AKAP9: variants seen among roughly 807,000 people sequenced by gnomAD.
The protein encoded by AKAP9 is A-kinase anchoring protein 9.
In AKAP9, 311 loss-of-function variants were observed where a neutral mutation model predicts 488.5. That is an observed-to-expected ratio of 0.64 (90% confidence interval 0.58 to 0.70). The LOEUF is 0.70. Among genes scored for constraint, AKAP9 ranks in the 30% least tolerant of loss-of-function variants. AKAP9 has a pLI of 0.00. For missense variants in AKAP9, 4,215 were observed against 4,374.5 expected, an observed-to-expected ratio of 0.96 and a Z score of 1.03; for synonymous variants, 1,462 against 1,483.5, an observed-to-expected ratio of 0.99 and a Z score of 0.33.
intron 3 of AKAP9, 75 bp from the exon 4 acceptor site, chr7:91,992,083 A>G (rs993058903): frequency 1.7e-6 from 2 of 1,204,318 alleles, no homozygotes; most frequent in African/African-American, 1.5e-5. Flanking sequence ...ACGTGAATAC[A>G]GTTAACAGAA....
intron 6 of AKAP9, 77 bp downstream of exon 6, chr7:91,994,853 T>C (rs192778218): frequency 5.0e-6 from 7 of 1,406,576 alleles, no homozygotes; most frequent in Non-Finnish European, 6.9e-6. Context: ...AGAACAAATC[T>C]AAATTTGTTA....
Position 92,100,963 on chromosome 7 carries a change from G to A in AKAP9, c.11004G>A (p.Arg3668=), listed in dbSNP as rs1425422837. 6 of 1,614,084 alleles carry A rather than the reference G, an allele frequency of 3.7e-6. No homozygotes were observed. The East Asian group carries it at 1.3e-4, about 36-fold the overall frequency. The change falls in exon 45 of 50, where the codon AGG becomes AGA. Residue 3668 remains arginine (R), a synonymous_variant. Transcript: ENST00000356239. The part of the protein sequence containing the change: ...EKLTLQKSLK[R]AEAEVYKLKA... ...TGACTCTCCAGAAATCTTTGAAAAG[G>A]GCAGAGGCTGAAGTATACAAACTGA... is the stretch of plus-strand genomic sequence containing the variant.
In AKAP9 at chr7:92,038,572, A is replaced by G. The variant is rs1805550070; in HGVS notation, c.4492A>G (p.Ile1498Val). The change falls in exon 17 of 50, where the codon ATT (isoleucine) becomes GTT (valine). Residue 1498 changes from isoleucine (I) to valine (V), a missense_variant. Ile to Val is a conservative substitution (Grantham distance 29). Transcript: ENST00000356239. The stretch of plus-strand genomic sequence containing the variant: ...TGAAATGAAATTATCACAGGATCAA[A>G]TTGGTTTTCAGACTTTTGAGACAGT... ...FNEMKLSQDQ[I>V]GFQTFETVDV... 6.2e-7 allele frequency: 1 copy of G among 1,613,846 alleles called. No individual in the cohort carries two copies. Among genetic ancestry groups the G allele is most frequent in the African/African-American group, 1.3e-5 (1 of 74,930 alleles).
chr7:92,046,907 A>G (rs1247764379), intron 21 of AKAP9, among the ~76,000 whole-genome samples: 1 of 152,192 alleles, frequency 6.6e-6, no homozygotes, highest in African/African-American at 2.4e-5. Context: ...TGTGCATTAC[A>G]GATGTATTTT....
Position 92,097,322 on chromosome 7 carries a change from G to C in AKAP9, c.10363G>C (p.Glu3455Gln), listed in dbSNP as rs144170939. The C allele has an allele frequency of 6.2e-7, 1 of 1,613,536 alleles. No homozygotes were observed. The highest frequency in any genetic ancestry group is 8.5e-7 in the Non-Finnish European group (1 of 1,179,918). The change falls in exon 41 of 50, where the codon GAA becomes CAA. Residue 3455 changes from glutamate to glutamine, a missense_variant. Glu to Gln is a conservative substitution (Grantham distance 29). Around this residue, in one of 5 missense-constraint regions of AKAP9, gnomAD observed 1,476 missense variants for 1,477.4 expected, o/e 1.00. Transcript: ENST00000356239. ...KQELEREEKR[E>Q]SRRILYQNLN... ...AGAACTAGAACGAGAAGAAAAACGA[G>C]AAAGTAGAAGAATTCTGTATCAGAA...
At chr7:92,017,127 T>G (rs1801622247) in intron 12 of AKAP9, 25 bp downstream of exon 12, 1 of 1,471,654 alleles carries the variant, frequency 6.8e-7, no homozygotes, top group East Asian at 2.4e-5. Flanking sequence ...AAATATATTG[T>G]AATATTTGCA....
chr7:91,978,375 A>G (rs1422114991), intron 2 of AKAP9, among the ~76,000 whole-genome samples: 2 of 152,162 alleles, frequency 1.3e-5, no homozygotes, highest in African/African-American at 4.8e-5. Flanking sequence ...TAGAACTTAG[A>G]CTTGAATGTT....
At chr7:92,094,914 A>C in intron 39 of AKAP9, 109 bp from the exon 40 acceptor site, 1 of 852,358 alleles carries the variant, frequency 1.2e-6, no homozygotes, top group South Asian at 1.5e-5. Flanking sequence ...TTTTCCTCTT[A>C]GCTAGTTTAT....
At chr7:91,959,511 G>C (rs1231746443) in intron 1 of AKAP9, among the ~76,000 whole-genome samples, 1 of 151,846 alleles carries the variant, frequency 6.6e-6, no homozygotes, top group Non-Finnish European at 1.5e-5. Flanking sequence ...TTGTTATGCT[G>C]TTCTGGCTGG....
chr7:91,948,605 C>CTTTTTTTTTTTT (rs55928500), intron 1 of AKAP9, among the ~76,000 whole-genome samples: 1 of 107,562 alleles, frequency 9.3e-6, no homozygotes, highest in Non-Finnish European at 1.8e-5. Flanking sequence ...TTGTAGATTT[C>CTTTTTTTTTTTT]TTTTTTTTTT....
chr7:92,033,664 C>G (rs967646631), intron 16 of AKAP9, among the ~76,000 whole-genome samples: 5 of 152,122 alleles, frequency 3.3e-5, no homozygotes. Context: ...TCTTGAACTC[C>G]TGATCTCAAG....
intron 10 of AKAP9, among the ~76,000 whole-genome samples, chr7:92,015,556 G>A (rs1801392427): frequency 6.6e-6 from 1 of 152,022 alleles, no homozygotes; most frequent in Admixed American, 6.6e-5. Flanking sequence ...TAGAGATGGG[G>A]TTTTGCCATG....
Position 91,941,032 on chromosome 7 carries a change from T to A in AKAP9, c.-68T>A. The A allele has an allele frequency of 1.3e-6, 2 of 1,511,882 alleles. No homozygotes were observed. The highest frequency in any genetic ancestry group is 1.1e-5 in the South Asian group (1 of 88,962). The allele number at this position is 1,511,882 out of a possible 1,614,324, so 93.7% of individuals were successfully genotyped here. On this transcript the variant is annotated 5_prime_UTR_variant, in exon 1 of 50. Coordinates refer to ENST00000356239, the MANE Select transcript of AKAP9 (RefSeq NM_005751.5). ...GCTTGCCGTCCCACCTCCGTCCAAA[T>A]CGACCTTTCCTTTCTATCCCCAACC... is the stretch of plus-strand genomic sequence containing the variant.
chr7:92,021,738 A>G (rs982129419), intron 12 of AKAP9, among the ~76,000 whole-genome samples: 5 of 152,006 alleles, frequency 3.3e-5, no homozygotes, highest in African/African-American at 1.2e-4. Context: ...TTTAATAGTT[A>G]AGGAAATAAG....
chr7:91,990,035 G>A (rs1414398373), intron 3 of AKAP9, among the ~76,000 whole-genome samples: 1 of 151,988 alleles, frequency 6.6e-6, no homozygotes. Context: ...TACCTCACTT[G>A]TACTTTCCCA....
In AKAP9 at chr7:92,095,108, T is replaced by C. The variant is rs765533928; in HGVS notation, c.9664T>C (p.Trp3222Arg). The C allele has an allele frequency of 6.2e-7, 1 of 1,614,164 alleles. No individual in the cohort carries two copies. Among genetic ancestry groups the C allele is most frequent in the Non-Finnish European group, 8.5e-7 (1 of 1,180,000 alleles). Residue 3222 changes from tryptophan to arginine, a missense_variant, in exon 40 of 50, where the codon TGG becomes CGG. Around this residue, in one of 5 missense-constraint regions of AKAP9, gnomAD observed 1,476 missense variants for 1,477.4 expected, o/e 1.00. Transcript: ENST00000356239. ...ACAGAAAAAATCAAGAGAGCTCCAG[T>C]GGGCTTTGGAGAAAGAGAAAGCCAA... Reference protein sequence around the residue: ...SEQKKSRELQWALEKEKAKLG... With the variant: ...SEQKKSRELQRALEKEKAKLG...
Position 91,995,596 on chromosome 7 carries a change from T to G in AKAP9, c.733-7T>G. ...TTTAACGTTTTGAGGTTTCTTTCTA[T>G]TTTCAGTTACAGGCTAGTGAAACTC... On this transcript the variant is annotated splice_region_variant and splice_polypyrimidine_tract_variant and intron_variant, in intron 6 of 49. Transcript: ENST00000356239. The G allele has an allele frequency of 6.2e-7, 1 of 1,613,858 alleles. No individual in the cohort carries two copies. Among genetic ancestry groups the G allele is most frequent in the South Asian group, 1.1e-5 (1 of 91,064 alleles).
In AKAP9 at chr7:92,101,048, A is replaced by G; in HGVS notation, c.11089A>G (p.Thr3697Ala). 6.2e-7 allele frequency: 1 copy of G among 1,613,242 alleles called. No individual in the cohort carries two copies. Among genetic ancestry groups the G allele is most frequent in the Non-Finnish European group, 8.5e-7 (1 of 1,179,890 alleles). Reference sequence around the variant, plus strand: ...TCTGAGCCCTGATTCTGAACATGTCACTTTAAAGGTAGGAGACATCTCCCA... The same window carrying G: ...TCTGAGCCCTGATTCTGAACATGTCGCTTTAAAGGTAGGAGACATCTCCCA... ...QTLSPDSEHV[T>A]LKRIYGKYLR... The change falls in exon 45 of 50, where the codon ACT (threonine) becomes GCT (alanine). Residue 3697 changes from threonine to alanine, a missense_variant. Physicochemically the swap from Thr to Ala is moderately conservative, Grantham distance 58. Transcript: ENST00000356239.
Position 92,097,680 on chromosome 7 carries a change from T to C in AKAP9, c.10493T>C (p.Leu3498Ser). ...ACAAAAGAATCAAACTACGCTAAAT[T>C]GATTGAAATGAATGGAGGAGGAACC... ...GETKESNYAK[L>S]IEMNGGGTGC... The change falls in exon 42 of 50, where the codon TTG becomes TCG. Residue 3498 changes from leucine (L) to serine (S), a missense_variant. Physicochemically the swap from Leu to Ser is moderately radical, Grantham distance 145 (BLOSUM62 -2). Coordinates refer to ENST00000356239, the MANE Select transcript of AKAP9 (RefSeq NM_005751.5). 2 of 1,614,104 alleles carry C rather than the reference T, an allele frequency of 1.2e-6. No homozygotes were observed.
Sources: gnomAD v4.1 joint callset for allele counts (sites outside exome capture counted in the v4.1 genomes callset) on GRCh38, gnomAD v4.1.1 for gene constraint, gnomAD v4.1.1 regional missense constraint, MANE v1.5 for transcripts, NCBI Gene and HGNC (gene_info 2026-07-23, HGNC 2026-07-21) for gene names.